Variants in RTN3 observed in about 807,000 individuals in gnomAD.
The protein encoded by RTN3 is reticulon 3.
In RTN3, 49 loss-of-function variants were observed where a neutral mutation model predicts 77.8. That is an observed-to-expected ratio of 0.63 (90% CI 0.50 to 0.80). RTN3 has a LOEUF of 0.80. RTN3 is among the 30% of genes least tolerant of loss of function. RTN3 has a pLI of 0.00. For missense variants in RTN3, 1,236 were observed against 1,211.9 expected (o/e 1.02, Z -0.29); for synonymous variants, 464 against 446.9 (o/e 1.04, Z -0.48).
chr11:63,686,845 A>G (rs937959974), intron 1 of RTN3, among the ~76,000 whole-genome samples: 1 of 152,278 alleles, frequency 6.6e-6, no homozygotes. Flanking sequence ...AAAAGAAAAG[A>G]AAAGGAAAAA....
intron 3 of RTN3, among the ~76,000 whole-genome samples, chr11:63,734,781 A>ACACACACACCCCCCCCC (rs778043704): frequency 1.9e-5 from 2 of 105,000 alleles, no homozygotes; most frequent in African/African-American, 7.7e-5. Context: ...ACACACACAC[A>ACACACACACCCCCCCCC]CCATACTGGA....
In RTN3 at chr11:63,737,109, C is replaced by T. The variant is rs1190915855; in HGVS notation, c.2531-12882C>T. ...TCAGCCTCCTGAGTAGCTGGGACTA[C>T]GGGTATACGCCGCCATGCCCAGCTC... On this transcript the variant is annotated intron_variant, in intron 3 of 8. Transcript: ENST00000377819. Among the ~76,000 whole-genome samples, 7 of 152,008 alleles carry T rather than the reference C, an allele frequency of 4.6e-5. No individual in the cohort carries two copies. The East Asian group carries it at 1.2e-3, about 25-fold the overall frequency.
At chr11:63,752,367 C>A in intron 4 of RTN3, 140 bp from the exon 5 acceptor site, 1 of 712,194 alleles carries the variant, frequency 1.4e-6, no homozygotes. Context: ...GTGTCTCCAC[C>A]CCACCTGATG....
intron 1 of RTN3, among the ~76,000 whole-genome samples, chr11:63,699,231 G>A (rs1462947739): frequency 6.6e-6 from 1 of 152,022 alleles, no homozygotes; most frequent in Non-Finnish European, 1.5e-5. Context: ...AACCTGGGAG[G>A]CGGAGGTTGC....
chr11:63,715,032 C>T (rs1032087442), intron 2 of RTN3, among the ~76,000 whole-genome samples: 1 of 152,168 alleles, frequency 6.6e-6, no homozygotes. Flanking sequence ...ACAGTTTTAC[C>T]ATGCTCTTCC....
chr11:63,752,884 A>G (rs1554963811), intron 5 of RTN3, among the ~76,000 whole-genome samples, 185 bp from the exon 6 acceptor site: 2 of 152,266 alleles, frequency 1.3e-5, no homozygotes, highest in South Asian at 4.1e-4. Context: ...GACCTCAGAA[A>G]ACTACAGACT....
chr11:63,710,351 GTTTT>G (rs113719649), intron 2 of RTN3, among the ~76,000 whole-genome samples: 2 of 143,352 alleles, frequency 1.4e-5, no homozygotes, highest in Admixed American at 7.0e-5. Flanking sequence ...TAGTTTTTTT[GTTTT>G]TTTTTTTATC....
chr11:63,720,409 A>C lies in RTN3; in HGVS notation c.1907A>C (p.Glu636Ala). 3.1e-6 allele frequency: 5 copies of C among 1,613,982 alleles called. No homozygotes were observed. Among genetic ancestry groups the C allele is most frequent in the Non-Finnish European group, 4.2e-6 (5 of 1,179,974 alleles). The change falls in exon 3 of 9, where the codon GAG (glutamate) becomes GCG (alanine). Residue 636 changes from glutamate to alanine, a missense_variant. Physicochemically the swap from Glu to Ala is moderately radical, Grantham distance 107 (BLOSUM62 -1). Coordinates refer to ENST00000377819, the MANE Select transcript of RTN3 (RefSeq NM_001265589.2). ...AATGTGACAACATCTGCCTATTTGG[A>C]GTCATTACATGGGAAAAATGTTAAA... ...SLNVTTSAYL[E>A]SLHGKNVKHI...
chr11:63,759,455 ATTAG>A lies in RTN3; in HGVS notation c.*1259_*1262del, dbSNP rs888760841. 74 of 152,764 alleles carry A rather than the reference ATTAG, an allele frequency of 4.8e-4. 1 individual carries two copies. The highest frequency in any genetic ancestry group is 1.4e-3 in the African/African-American group (59 of 41,578). 9.5% of individuals were successfully genotyped at this position (152,764 alleles called of 1,614,324 possible). A position where few individuals can be genotyped will look rare whatever the true frequency, so the allele number is the denominator to read the frequency against. ...GAAATTGTCTACGTGTCTTGGAAAA[ATTAG>A]TTAGGAATTTGGATGGGTAAAAGGT... is the stretch of plus-strand genomic sequence containing the variant. On this transcript the variant is annotated 3_prime_UTR_variant, in exon 9 of 9. Transcript: ENST00000377819.
At chr11:63,752,015 C>G (rs2014132349) in intron 4 of RTN3, among the ~76,000 whole-genome samples, 1 of 151,786 alleles carries the variant, frequency 6.6e-6, no homozygotes, top group Non-Finnish European at 1.5e-5. Context: ...TAAAAAAAAC[C>G]CCCAGTACCC....
Position 63,756,093 on chromosome 11 carries a change from T to G in RTN3, c.2995-19T>G, listed in dbSNP as rs1379109342. 1 of 1,595,914 alleles carries G rather than the reference T, an allele frequency of 6.3e-7. No individual in the cohort carries two copies. Among genetic ancestry groups the G allele is most frequent in the Admixed American group, 1.7e-5 (1 of 59,934 alleles). ...GATCTGTATGTTACCACAACTGAAT[T>G]TATTTTCCTTCCTTAAAGACCCAGA... On this transcript the variant is annotated intron_variant, in intron 7 of 8. Coordinates refer to ENST00000377819, the MANE Select transcript of RTN3 (RefSeq NM_001265589.2).
At chr11:63,741,591 C>G (rs1000242428) in intron 3 of RTN3, among the ~76,000 whole-genome samples, 2 of 151,902 alleles carry the variant, frequency 1.3e-5, no homozygotes. Context: ...CCTCTGCCTC[C>G]CGGGTTCAAG....
intron 3 of RTN3, among the ~76,000 whole-genome samples, chr11:63,732,041 G>A (rs1343126768): frequency 1.3e-5 from 2 of 150,830 alleles, no homozygotes; most frequent in Non-Finnish European, 3.0e-5. Context: ...AAAAAGAAGA[G>A]CAAAGTAAAC....
intron 3 of RTN3, among the ~76,000 whole-genome samples, chr11:63,728,458 GGCTAGTCCT>G (rs1479024996): frequency 6.6e-6 from 1 of 152,164 alleles, no homozygotes; most frequent in Non-Finnish European, 1.5e-5. Flanking sequence ...GCCAGCAAAG[GGCTAGTCCT>G]GAAGACAGAC....
At chr11:63,682,448 C>G (rs1177933935) in intron 1 of RTN3, among the ~76,000 whole-genome samples, 1 of 152,026 alleles carries the variant, frequency 6.6e-6, no homozygotes, top group Non-Finnish European at 1.5e-5. Flanking sequence ...TGGGAGGGAG[C>G]TGCTAATGGT....
chr11:63,730,875 T>G (rs987243800), intron 3 of RTN3, among the ~76,000 whole-genome samples: 1 of 152,146 alleles, frequency 6.6e-6, no homozygotes, highest in Non-Finnish European at 1.5e-5. Flanking sequence ...GAAAATTTAA[T>G]ACCTCTTTCT....
intron 8 of RTN3, among the ~76,000 whole-genome samples, chr11:63,756,382 G>A (rs1208484013): frequency 1.3e-5 from 2 of 152,086 alleles, no homozygotes; most frequent in African/African-American, 2.4e-5. Context: ...CTGCCTTCTG[G>A]ACCTTTGTAG....
chr11:63,719,381 G>A lies in RTN3; in HGVS notation c.879G>A (p.Lys293=). The change falls in exon 3 of 9, where the codon AAG becomes AAA. Residue 293 remains lysine (K), a synonymous_variant. Coordinates refer to ENST00000377819, the MANE Select transcript of RTN3 (RefSeq NM_001265589.2). ...SSEDISETND[K]LFPLRNKEAG... is the part of the protein sequence containing the mutation. ...AAGACATTTCAGAGACTAATGACAAGCTTTTTCCACTGAGAAATAAAGAGG... is the reference window on the plus strand; with the variant it reads ...AAGACATTTCAGAGACTAATGACAAACTTTTTCCACTGAGAAATAAAGAGG... 1 of 1,614,156 alleles carries A rather than the reference G, an allele frequency of 6.2e-7. No homozygotes were observed. The highest frequency in any genetic ancestry group is 1.3e-5 in the African/African-American group (1 of 75,042).
At chr11:63,694,070 A>G (rs777169316) in intron 1 of RTN3, among the ~76,000 whole-genome samples, 32 of 152,140 alleles carry the variant, frequency 2.1e-4, no homozygotes, top group Middle Eastern at 3.2e-3. Flanking sequence ...CAGTGATTGC[A>G]CTACCACTGC....
Sources: gnomAD v4.1 joint callset for allele counts (sites outside exome capture counted in the v4.1 genomes callset) on GRCh38, gnomAD v4.1.1 for gene constraint, MANE v1.5 for transcripts, NCBI Gene and HGNC (gene_info 2026-07-23, HGNC 2026-07-21) for gene names.